Variants in MDM4 observed in about 807,000 individuals in gnomAD.
The protein encoded by MDM4 is MDM4 regulator of p53.
A neutral mutation model predicts 60.2 loss-of-function variants in MDM4; 2 were observed. The observed-to-expected ratio is 0.03, with a 90% CI of 0.01 to 0.10. The LOEUF is 0.10. MDM4 is among the 10% of genes least tolerant of loss of function. The probability of loss-of-function intolerance (pLI) is 1.00; values close to 1 mark genes in which losing one functional copy is unlikely to be tolerated. For missense variants in MDM4, 447 were observed against 577.5 expected (o/e 0.77, Z 2.32); for synonymous variants, 202 against 198.1 (o/e 1.02, Z -0.17).
chr1:204,517,252 A>G (rs539446204), intron 1 of MDM4, among the ~76,000 whole-genome samples: 2 of 152,102 alleles, frequency 1.3e-5, no homozygotes, highest in East Asian at 3.9e-4. Context: ...AAAAAAAAAA[A>G]AAGAAAAAAT....
chr1:204,520,372 C>CT (rs11290909), intron 1 of MDM4, among the ~76,000 whole-genome samples: 3,370 of 141,378 alleles, frequency 0.024, 74 homozygotes, highest in East Asian at 0.085. Flanking sequence ...AACATCCCTG[C>CT]TTTTTTTTTT....
intron 3 of MDM4, among the ~76,000 whole-genome samples, chr1:204,527,702 A>T (rs1336510396): frequency 1.1e-4 from 1 of 8,994 alleles, no homozygotes; most frequent in African/African-American, 5.1e-4. Flanking sequence ...TTTTAAACAC[A>T]TGCATTTAAA....
chr1:204,544,179 T>C (rs909711047), intron 8 of MDM4, among the ~76,000 whole-genome samples: 3 of 152,234 alleles, frequency 2.0e-5, no homozygotes, highest in Non-Finnish European at 4.4e-5. Flanking sequence ...ATGGAATGTT[T>C]TGTAGCTTCT....
At chr1:204,529,625 C>T (rs1003871318) in intron 3 of MDM4, 1 of 1,091,380 alleles carries the variant, frequency 9.2e-7, no homozygotes, top group East Asian at 2.6e-5. Context: ...AAGGTAGTAG[C>T]TACCCGGAGG....
At chr1:204,530,916 G>T in intron 4 of MDM4, 99 bp downstream of exon 4, 3 of 1,478,646 alleles carry the variant, frequency 2.0e-6, no homozygotes, top group Non-Finnish European at 2.8e-6. Flanking sequence ...CAACAAATAT[G>T]TAAGAGCCTA....
chr1:204,517,382 G>GT (rs1659093294), intron 1 of MDM4, among the ~76,000 whole-genome samples: 1 of 152,076 alleles, frequency 6.6e-6, no homozygotes, highest in African/African-American at 2.4e-5. Flanking sequence ...AAAACCACAG[G>GT]TTTTTTTGGT....
At position 204,525,465 on chromosome 1, in the gene MDM4, A is replaced by C. The variant is rs1660032689; in HGVS notation, c.-35-19A>C. ...TTTCTGCATTAGAATAGATGTTATA[A>C]ATTTTTTTTTCTATTTAGTTTTACC... On this transcript the variant is annotated intron_variant, in intron 1 of 10. Transcript: ENST00000367182. 8 of 1,564,090 alleles carry C rather than the reference A, an allele frequency of 5.1e-6. No homozygotes were observed. The highest frequency in any genetic ancestry group is 4.5e-5 in the East Asian group (2 of 44,582).
intron 5 of MDM4, among the ~76,000 whole-genome samples, chr1:204,533,635 C>T (rs986166324): frequency 5.9e-5 from 9 of 152,168 alleles, no homozygotes; most frequent in African/African-American, 1.4e-4. Context: ...TGGGATTATG[C>T]GTGTGAACCA....
In MDM4 at chr1:204,557,469, C is replaced by T. The variant is rs1663607237; in HGVS notation, c.*7787C>T. 2 of 175,566 alleles carry T rather than the reference C, an allele frequency of 1.1e-5. No individual in the cohort carries two copies. The highest frequency in any genetic ancestry group is 4.7e-5 in the African/African-American group (2 of 42,246). The allele number at this position is 175,566 out of a possible 1,614,324, so 10.9% of individuals were successfully genotyped here. A position where few individuals can be genotyped will look rare whatever the true frequency, so the allele number is the denominator to read the frequency against. On this transcript the variant is annotated 3_prime_UTR_variant, in exon 11 of 11. Coordinates refer to ENST00000367182, the MANE Select transcript of MDM4 (RefSeq NM_002393.5). Reference sequence around the variant, plus strand: ...CCAGGCTGGAATGCAGTGGCGCAATCTTGGTTCACTGCAACCCCCGCCTCC... The same window carrying T: ...CCAGGCTGGAATGCAGTGGCGCAATTTTGGTTCACTGCAACCCCCGCCTCC...
intron 3 of MDM4, among the ~76,000 whole-genome samples, chr1:204,530,222 C>T (rs770581329): frequency 6.6e-6 from 1 of 152,166 alleles, no homozygotes; most frequent in African/African-American, 2.4e-5. Context: ...TGTCCACTTA[C>T]AATGCTGATG....
chr1:204,520,643 C>T (rs1416536508), intron 1 of MDM4, among the ~76,000 whole-genome samples: 1 of 151,904 alleles, frequency 6.6e-6, no homozygotes. Flanking sequence ...CCAACACTTT[C>T]GTTGAGAGAA....
At position 204,529,784 on chromosome 1, in the gene MDM4, A is replaced by T. The variant is rs900825625; in HGVS notation, c.154-900A>T. The T allele has an allele frequency of 8.8e-6, 3 of 342,234 alleles. No homozygotes were observed. In the South Asian group the frequency reaches 2.1e-4, roughly 24 times the overall value. 21.2% of individuals were successfully genotyped at this position (342,234 alleles called of 1,614,324 possible). ...TATGATGAATTATGCCATCTCCTTCATTTAGCATGGCAGAGTTTGCCTGAG... is the reference window on the plus strand; with the variant it reads ...TATGATGAATTATGCCATCTCCTTCTTTTAGCATGGCAGAGTTTGCCTGAG... On this transcript the variant is annotated intron_variant, in intron 3 of 10. Transcript: ENST00000367182.
chr1:204,530,859 A>G (rs1660786134), intron 4 of MDM4, 42 bp downstream of exon 4: 2 of 1,612,630 alleles, frequency 1.2e-6, no homozygotes, highest in East Asian at 4.5e-5. Context: ...GGGTGCTTAT[A>G]CCTAGCCACT....
At chr1:204,529,109 G>A in intron 3 of MDM4, 1 of 1,289,988 alleles carries the variant, frequency 7.8e-7, no homozygotes, top group East Asian at 2.4e-5. Flanking sequence ...AGCCTGAGTT[G>A]TCCCAGTCAT....
At chr1:204,516,886 T>C (rs890328661) in intron 1 of MDM4, among the ~76,000 whole-genome samples, 2 of 152,196 alleles carry the variant, frequency 1.3e-5, no homozygotes, top group African/African-American at 4.8e-5. Context: ...CTTAAGTTTT[T>C]AAGTTAGTTT....
chr1:204,521,839 G>A (rs1659597153), intron 1 of MDM4, among the ~76,000 whole-genome samples: 1 of 152,112 alleles, frequency 6.6e-6, no homozygotes, highest in Admixed American at 6.5e-5. Context: ...TCCACTTGTA[G>A]CTTATATTTT....
Position 204,544,520 on chromosome 1 carries a change from T to C in MDM4, c.673-15T>C. The C allele has an allele frequency of 6.3e-7, 1 of 1,588,748 alleles. No homozygotes were observed. The highest frequency in any genetic ancestry group is 8.6e-7 in the Non-Finnish European group (1 of 1,164,218). ...CTCTGAATACAGAAACTCATGTTTG[T>C]TTTTTTTCTGTTAGGATGTGGGTAC... On this transcript the variant is annotated splice_polypyrimidine_tract_variant and intron_variant, in intron 8 of 10. Transcript: ENST00000367182.
At chr1:204,521,886 G>A (rs1659603071) in intron 1 of MDM4, among the ~76,000 whole-genome samples, 1 of 152,050 alleles carries the variant, frequency 6.6e-6, no homozygotes, top group African/African-American at 2.4e-5. Flanking sequence ...TGTTTTGGTT[G>A]GTAAAAAGGT....
At chr1:204,517,473 G>A (rs74974116) in intron 1 of MDM4, among the ~76,000 whole-genome samples, 7 of 151,684 alleles carry the variant, frequency 4.6e-5, no homozygotes, top group African/African-American at 1.7e-4. Flanking sequence ...GCGCGATCTT[G>A]GCTCACTGCA....
Sources: allele counts gnomAD v4.1 joint callset (sites outside exome capture counted in the v4.1 genomes callset), GRCh38; gene constraint gnomAD v4.1.1; transcripts MANE v1.5; gene names NCBI Gene and HGNC (gene_info 2026-07-23, HGNC 2026-07-21).